Variants in TAB2 observed in about 807,000 individuals in gnomAD.
The protein encoded by TAB2 is TGF-beta activated kinase 1 (MAP3K7) binding protein 2, also known as TGF-beta-activated kinase 1 and MAP3K7-binding protein 2.
TAB2 carries 3 observed loss-of-function variants against 65.0 expected under a neutral mutation model. That is an observed-to-expected ratio of 0.05 (90% CI 0.02 to 0.12). TAB2 has a LOEUF of 0.12. TAB2 is among the 10% of genes least tolerant of loss of function. TAB2 has a pLI of 1.00. For synonymous variants in TAB2, 298 were observed against 285.1 expected, an observed-to-expected ratio of 1.05 and a Z score of -0.46; for missense variants, 623 against 840.3, an observed-to-expected ratio of 0.74 and a Z score of 3.20.
intron 1 of TAB2, among the ~76,000 whole-genome samples, chr6:149,344,493 G>C (rs1780231452): frequency 6.6e-6 from 1 of 152,192 alleles, no homozygotes; most frequent in African/African-American, 2.4e-5. Context: ...GTATTTCTAA[G>C]TTATGGAGAT....
intron 1 of TAB2, among the ~76,000 whole-genome samples, chr6:149,223,242 G>C (rs1777192186): frequency 6.6e-6 from 1 of 152,202 alleles, no homozygotes; most frequent in Non-Finnish European, 1.5e-5. Context: ...ACCTGAGTCT[G>C]TTTTATGTTT....
intron 1 of TAB2, chr6:149,246,726 G>C (rs1777726692): frequency 6.6e-6 from 1 of 152,246 alleles, no homozygotes; most frequent in Admixed American, 6.5e-5. Flanking sequence ...GAGCACAGTG[G>C]CACAATCACG....
At chr6:149,229,420 T>TG (rs1777356379) in intron 1 of TAB2, among the ~76,000 whole-genome samples, 10 of 122,188 alleles carry the variant, frequency 8.2e-5, no homozygotes, top group African/African-American at 3.2e-4. Context: ...GTGTGTGTGT[T>TG]TGTGTGTGTG....
intron 3 of TAB2, among the ~76,000 whole-genome samples, chr6:149,383,592 C>CT (rs1212031750): frequency 6.6e-6 from 1 of 151,902 alleles, no homozygotes; most frequent in African/African-American, 2.4e-5. Context: ...GTAACACAGT[C>CT]TTTTTTTTCT....
intron 1 of TAB2, among the ~76,000 whole-genome samples, chr6:149,248,482 AAGAG>A (rs564507597): frequency 0.055 from 7,334 of 133,214 alleles, 254 homozygotes; most frequent in Middle Eastern, 0.12. Flanking sequence ...GAAAGAAAGA[AAGAG>A]AGAGAGAGAG....
chr6:149,400,608 C>T, intron 6 of TAB2: 1 of 1,614,176 alleles, frequency 6.2e-7, no homozygotes, highest in Non-Finnish European at 8.5e-7. Context: ...AACAGACAAA[C>T]CTGCACAGTT....
intron 1 of TAB2, among the ~76,000 whole-genome samples, chr6:149,319,062 T>C (rs1288059250): frequency 1.3e-5 from 2 of 152,202 alleles, no homozygotes; most frequent in African/African-American, 4.8e-5. Flanking sequence ...TACGGCAATA[T>C]AATTTTGCAT....
chr6:149,247,413 GC>G (rs1777745011), intron 1 of TAB2: 1 of 152,166 alleles, frequency 6.6e-6, no homozygotes, highest in Non-Finnish European at 1.5e-5. Context: ...CTGAGATAAG[GC>G]TCCATACATG....
chr6:149,271,499 T>C (rs1390427387), intron 1 of TAB2, among the ~76,000 whole-genome samples: 1 of 152,208 alleles, frequency 6.6e-6, no homozygotes, highest in Non-Finnish European at 1.5e-5. Context: ...TTTATCTGCA[T>C]TTCTACCTGA....
intron 1 of TAB2, among the ~76,000 whole-genome samples, chr6:149,251,888 A>C (rs534423043): frequency 1.3e-5 from 2 of 152,338 alleles, no homozygotes; most frequent in African/African-American, 4.8e-5. Flanking sequence ...GAATTGCACT[A>C]ATTCTTAAAC....
At chr6:149,403,247 A>AATATATATATATATAT (rs71010865) in intron 6 of TAB2, among the ~76,000 whole-genome samples, 1 of 44,030 alleles carries the variant, frequency 2.3e-5, no homozygotes. Flanking sequence ...AAAAAAAAAA[A>AATATATATATATATAT]ATATATATAT....
intron 1 of TAB2, among the ~76,000 whole-genome samples, chr6:149,297,185 C>A (rs186602102): frequency 0.012 from 1,847 of 152,186 alleles, 16 homozygotes; most frequent in Non-Finnish European, 0.019. Flanking sequence ...CAACCCAATA[C>A]TTTATCACAT....
chr6:149,253,365 A>G (rs1473870307), intron 1 of TAB2, among the ~76,000 whole-genome samples: 3 of 152,180 alleles, frequency 2.0e-5, no homozygotes, highest in Non-Finnish European at 4.4e-5. Context: ...TCACGCCTGT[A>G]ATCCCAGCAC....
intron 1 of TAB2, among the ~76,000 whole-genome samples, chr6:149,273,317 A>G (rs1778399163): frequency 6.6e-6 from 1 of 152,310 alleles, no homozygotes; most frequent in Admixed American, 6.5e-5. Context: ...ATGGAGGGAA[A>G]TGGCAGGTCT....
At chr6:149,345,204 C>G (rs1471984123) in intron 1 of TAB2, among the ~76,000 whole-genome samples, 1 of 152,036 alleles carries the variant, frequency 6.6e-6, no homozygotes, top group African/African-American at 2.4e-5. Context: ...CACCTGGCTT[C>G]TTTGTTTTAA....
intron 1 of TAB2, among the ~76,000 whole-genome samples, chr6:149,279,142 C>G (rs1778527994): frequency 6.6e-6 from 1 of 152,188 alleles, no homozygotes; most frequent in Non-Finnish European, 1.5e-5. Context: ...AACTTCTCTT[C>G]ATAAGGTCCC....
intron 1 of TAB2, among the ~76,000 whole-genome samples, chr6:149,265,517 T>A (rs925621436): frequency 3.9e-5 from 6 of 152,140 alleles, no homozygotes; most frequent in Admixed American, 1.3e-4. Context: ...GTGGTTTCTG[T>A]TTGTGTTTTT....
At chr6:149,344,648 G>A (rs982978248) in intron 1 of TAB2, among the ~76,000 whole-genome samples, 2 of 152,086 alleles carry the variant, frequency 1.3e-5, no homozygotes, top group African/African-American at 4.8e-5. Context: ...ATAGGCAATG[G>A]GAATCCGTTG....
At chr6:149,382,316 G>A (rs534310785) in intron 3 of TAB2, among the ~76,000 whole-genome samples, 1 of 152,286 alleles carries the variant, frequency 6.6e-6, no homozygotes, top group Non-Finnish European at 1.5e-5. Flanking sequence ...TCTAACTAGA[G>A]GCTGGGCACG....
Sources: allele counts gnomAD v4.1 joint callset (sites outside exome capture counted in the v4.1 genomes callset), GRCh38; gene constraint gnomAD v4.1.1; transcripts MANE v1.5; gene names NCBI Gene and HGNC (gene_info 2026-07-23, HGNC 2026-07-21).